ERBB4: variants seen among roughly 807,000 people sequenced by gnomAD.
ERBB4 encodes the protein receptor tyrosine-protein kinase erbB-4.
In ERBB4, 42 loss-of-function variants were observed where a neutral mutation model predicts 158.0. The observed-to-expected ratio is 0.27, with a 90% CI of 0.21 to 0.34. The LOEUF is 0.34. ERBB4 is among the 10% of genes least tolerant of loss of function. The probability of loss-of-function intolerance (pLI) is 1.00; values close to 1 mark genes in which losing one functional copy is unlikely to be tolerated. For missense variants in ERBB4, 1,333 were observed against 1,624.1 expected, an observed-to-expected ratio of 0.82 and a Z score of 3.08; for synonymous variants, 583 against 558.7, an observed-to-expected ratio of 1.04 and a Z score of -0.61.
chr2:211,569,679 G>A (rs913181799), intron 19 of ERBB4, among the ~76,000 whole-genome samples: 1 of 152,160 alleles, frequency 6.6e-6, no homozygotes, highest in Non-Finnish European at 1.5e-5. Flanking sequence ...TCAAGGAAAA[G>A]CATGACCTAA....
intron 1 of ERBB4, among the ~76,000 whole-genome samples, chr2:212,264,389 T>G (rs2085054925): frequency 6.6e-6 from 1 of 152,084 alleles, no homozygotes; most frequent in Admixed American, 6.6e-5. Flanking sequence ...ATTTCTACCC[T>G]GCCATTATGC....
chr2:211,512,280 G>A (rs771114219), intron 20 of ERBB4, among the ~76,000 whole-genome samples: 18 of 152,052 alleles, frequency 1.2e-4, no homozygotes, highest in African/African-American at 3.1e-4. Context: ...ATAGACATGC[G>A]GTTTTTCCTT....
intron 3 of ERBB4, among the ~76,000 whole-genome samples, chr2:211,855,989 AT>A (rs1470245464): frequency 6.6e-6 from 1 of 152,212 alleles, no homozygotes; most frequent in Non-Finnish European, 1.5e-5. Context: ...CAAAGTCAGA[AT>A]GAAAAACTAC....
At chr2:211,605,513 AATTT>A (rs2068948243) in intron 19 of ERBB4, among the ~76,000 whole-genome samples, 1 of 152,062 alleles carries the variant, frequency 6.6e-6, no homozygotes, top group Non-Finnish European at 1.5e-5. Context: ...TATGTCCTGG[AATTT>A]ATTTACCCCT....
intron 2 of ERBB4, among the ~76,000 whole-genome samples, chr2:212,065,018 TGTGTGTGTGTTGTG>T (rs1340321862): frequency 6.7e-6 from 1 of 150,102 alleles, no homozygotes; most frequent in African/African-American, 2.4e-5. Flanking sequence ...TGTGTGTGTG[TGTGTGTGTGTTGTG>T]TGTGTGTGTG....
At position 211,610,937 on chromosome 2, in the gene ERBB4, C is replaced by G. The variant is rs551107554; in HGVS notation, c.2301+8240G>C. Among the ~76,000 whole-genome samples, 9 of 152,142 alleles carry G rather than the reference C, an allele frequency of 5.9e-5. No individual in the cohort carries two copies. In the East Asian group the frequency reaches 1.5e-3, roughly 26 times the overall value. Reference sequence around the variant, plus strand: ...GCAACCTGTATTGGATCTGGATAGTCTCTTTTAGGTACTTCAATGGAGAAA... The same window carrying G: ...GCAACCTGTATTGGATCTGGATAGTGTCTTTTAGGTACTTCAATGGAGAAA... On this transcript the variant is annotated intron_variant, in intron 19 of 27. Coordinates refer to ENST00000342788, the MANE Select transcript of ERBB4 (RefSeq NM_005235.3).
chr2:211,422,607 T>C (rs1338707793), intron 23 of ERBB4, among the ~76,000 whole-genome samples: 1 of 151,840 alleles, frequency 6.6e-6, no homozygotes, highest in Non-Finnish European at 1.5e-5. Context: ...ATTTTCAAGG[T>C]ATGTATTCTT....
intron 2 of ERBB4, among the ~76,000 whole-genome samples, chr2:212,055,074 C>T (rs1174935862): frequency 6.6e-6 from 1 of 152,100 alleles, no homozygotes. Context: ...TGACGGATGG[C>T]ACCTGGAAAA....
rs548885855 is a variant in ERBB4, at chr2:211,385,184, T to C, written c.3482-1124A>G. Among the ~76,000 whole-genome samples the C allele has an allele frequency of 2.4e-4, 37 of 152,220 alleles. No individual in the cohort carries two copies. The South Asian group carries it at 7.7e-3, about 32-fold the overall frequency. ...AGGATTATTTTTCTCCAAATATATA[T>C]ATACAGAATAGGTAAGTATTTAGCA... On this transcript the variant is annotated intron_variant, in intron 27 of 27. Transcript: ENST00000342788.
chr2:212,124,350 G>A (rs1303036629), intron 2 of ERBB4, among the ~76,000 whole-genome samples: 2 of 151,644 alleles, frequency 1.3e-5, no homozygotes, highest in African/African-American at 2.4e-5. Context: ...GTCTCCTTAT[G>A]TGATATAAAA....
At chr2:211,879,332 TACC>T (rs550571880) in intron 3 of ERBB4, among the ~76,000 whole-genome samples, 5 of 152,128 alleles carry the variant, frequency 3.3e-5, no homozygotes, top group Non-Finnish European at 5.9e-5. Context: ...AATTGATGAA[TACC>T]ATATAGAATA....
intron 1 of ERBB4, among the ~76,000 whole-genome samples, chr2:212,336,315 T>C (rs2088440292): frequency 2.6e-5 from 4 of 152,020 alleles, no homozygotes; most frequent in Admixed American, 6.6e-5. Flanking sequence ...CTGAAAACAG[T>C]CTTATAAATA....
intron 3 of ERBB4, among the ~76,000 whole-genome samples, chr2:211,914,041 T>C (rs2079615673): frequency 7.7e-6 from 1 of 130,530 alleles, no homozygotes; most frequent in Non-Finnish European, 1.6e-5. Flanking sequence ...CAAAAGGTCT[T>C]GGAATGACAA....
rs182009027 is a variant in ERBB4, at chr2:211,520,746, A to C, written c.2487+41157T>G. On this transcript the variant is annotated intron_variant, in intron 20 of 27. Transcript: ENST00000342788. ...AAGGTTTGTGGCAACCCTGCATTGAACAAGTTTATTTTTCTAATAGCATGT... is the reference window on the plus strand; with the variant it reads ...AAGGTTTGTGGCAACCCTGCATTGACCAAGTTTATTTTTCTAATAGCATGT... Among the ~76,000 whole-genome samples, 38 of 152,230 alleles carry C rather than the reference A, an allele frequency of 2.5e-4. 1 individual carries two copies. The East Asian group carries it at 7.2e-3, about 29-fold the overall frequency.
At chr2:212,324,507 T>C (rs1301854045) in intron 1 of ERBB4, among the ~76,000 whole-genome samples, 2 of 149,404 alleles carry the variant, frequency 1.3e-5, no homozygotes, top group Non-Finnish European at 3.0e-5. Context: ...TTTAGTTGAT[T>C]ATATTATTGC....
At chr2:211,720,821 A>G (rs1200263163) in intron 7 of ERBB4, among the ~76,000 whole-genome samples, 2 of 152,196 alleles carry the variant, frequency 1.3e-5, no homozygotes, top group Non-Finnish European at 2.9e-5. Flanking sequence ...GATGTTGCAT[A>G]CTTACACCGT....
At chr2:212,439,113 G>A (rs146230003) in intron 1 of ERBB4, among the ~76,000 whole-genome samples, 23 of 152,238 alleles carry the variant, frequency 1.5e-4, no homozygotes, top group Non-Finnish European at 2.4e-4. Flanking sequence ...ACTTTCAACA[G>A]TGTTTCACTA....
chr2:212,284,028 GT>G (rs11295793), intron 1 of ERBB4, among the ~76,000 whole-genome samples: 6,031 of 151,802 alleles, frequency 0.04, 391 homozygotes, highest in African/African-American at 0.14. Flanking sequence ...TTTTTTCTGG[GT>G]ACAGTGAACA....
intron 1 of ERBB4, among the ~76,000 whole-genome samples, chr2:212,179,503 A>C (rs777754288): frequency 7.9e-5 from 12 of 151,566 alleles, no homozygotes; most frequent in Non-Finnish European, 1.6e-4. Flanking sequence ...TCTAGGAGAG[A>C]GGAATAACAA....
Sources: gnomAD v4.1 joint callset for allele counts (sites outside exome capture counted in the v4.1 genomes callset) on GRCh38, gnomAD v4.1.1 for gene constraint, MANE v1.5 for transcripts, NCBI Gene and HGNC (gene_info 2026-07-23, HGNC 2026-07-21) for gene names.